SART1: variants seen among roughly 807,000 people sequenced by gnomAD.
The protein encoded by SART1 is U4/U6.U5 tri-snRNP-associated protein 1.
SART1 carries 28 observed loss-of-function variants against 105.0 expected under a neutral mutation model. The observed-to-expected ratio is 0.27, with a 90% CI of 0.20 to 0.37. The LOEUF is 0.37. Ranked by LOEUF, SART1 falls within the 10% of genes least tolerant of loss-of-function variation. The pLI, the probability that SART1 is intolerant of heterozygous loss-of-function variation, is 1.00. For missense variants in SART1, 894 were observed against 1,106.5 expected (o/e 0.81, Z 2.72); for synonymous variants, 472 against 462.9 (o/e 1.02, Z -0.25).
At position 65,978,524 on chromosome 11, in the gene SART1, T is replaced by C. The variant is rs945153453; in HGVS notation, c.2173-76T>C. On this transcript the variant is annotated intron_variant, in intron 17 of 19. Transcript: ENST00000312397. This position sits in a 1 kb window ranked among gnomAD's most constrained non-coding sequence, Gnocchi z 6.8. ...GGGTCAATCAACACCCGCCCTGTTA[T>C]TATACACCTTGTGGGCACAGGTGGC... 7.7e-5 allele frequency: 109 copies of C among 1,413,022 alleles called. 1 individual carries two copies. The highest frequency in any genetic ancestry group is 9.9e-5 in the Non-Finnish European group (101 of 1,023,444). The allele number at this position is 1,413,022 out of a possible 1,614,324, so 87.5% of individuals were successfully genotyped here. A position where few individuals can be genotyped will look rare whatever the true frequency, so the allele number is the denominator to read the frequency against.
Position 65,961,904 on chromosome 11 carries a change from A to C in SART1, c.124A>C (p.Ser42Arg). 2 of 1,536,886 alleles carry C rather than the reference A, an allele frequency of 1.3e-6. No individual in the cohort carries two copies. The highest frequency in any genetic ancestry group is 1.8e-6 in the Non-Finnish European group (2 of 1,137,450). Residue 42 changes from serine to arginine, a missense_variant, in exon 1 of 20, where the codon AGT becomes CGT. By Grantham distance (110) the Ser-to-Arg change is moderately radical (BLOSUM62 -1). Coordinates refer to ENST00000312397, the MANE Select transcript of SART1 (RefSeq NM_005146.5). ...GGAACACAAAAAACACAAGCACCGG[A>C]GTGGCGGCAGTGGCGGTAGCGGTGG... is the stretch of plus-strand genomic sequence containing the variant. The part of the protein sequence containing the change: ...HREHKKHKHR[S>R]GGSGGSGGER...
In SART1 at chr11:65,976,426, G is replaced by T. The variant is rs774044800; in HGVS notation, c.1604G>T (p.Arg535Leu). ...GAGATTGTGAAGAAGCTGGAGTCTCGCCAGCGGGGCTGGGAGGAGGATGAG... is the reference window on the plus strand; with the variant it reads ...GAGATTGTGAAGAAGCTGGAGTCTCTCCAGCGGGGCTGGGAGGAGGATGAG... Reference protein sequence around the residue: ...VVEIVKKLESRQRGWEEDEDP... With the variant: ...VVEIVKKLESLQRGWEEDEDP... Residue 535 changes from arginine to leucine, a missense_variant, in exon 13 of 20, where the codon CGC becomes CTC. Around this residue, in one of 2 missense-constraint regions of SART1, gnomAD observed 712 missense variants for 778.2 expected, o/e 0.91. Coordinates refer to ENST00000312397, the MANE Select transcript of SART1 (RefSeq NM_005146.5). The surrounding 1 kb of genome is among the most constrained non-coding windows in gnomAD (Gnocchi z 5.1). The T allele has an allele frequency of 2.6e-6, 4 of 1,560,722 alleles. No homozygotes were observed. Among genetic ancestry groups the T allele is most frequent in the Non-Finnish European group, 3.5e-6 (4 of 1,156,170 alleles).
rs927991820 is a variant in SART1, at chr11:65,980,119, TAAAA to T, written c.*1094_*1097del. 2.0e-5 allele frequency among the ~76,000 whole-genome samples: 3 copies of T among 151,646 alleles called. No individual in the cohort carries two copies. The highest frequency in any genetic ancestry group is 2.9e-5 in the Non-Finnish European group (2 of 67,960). Reference sequence around the variant, plus strand: ...CAGTCAGACCCTGTCTCAAAAAAAATAAAAAAAATTTAAAATAATCTTGGGGTGA... The same window carrying T: ...CAGTCAGACCCTGTCTCAAAAAAAATAAAATTTAAAATAATCTTGGGGTGA... On this transcript the variant is annotated 3_prime_UTR_variant, in exon 20 of 20. Coordinates refer to ENST00000312397, the MANE Select transcript of SART1 (RefSeq NM_005146.5).
In SART1 at chr11:65,973,368, A is replaced by G. The variant is rs957443882; in HGVS notation, c.1573-3027A>G. ...AGGAAAATAGGCGAAAGATGTAGAT[A>G]AGACAGGCAGTTCACAGAAGAGAAA... On this transcript the variant is annotated intron_variant, in intron 12 of 19. Transcript: ENST00000312397. Among the ~76,000 whole-genome samples, 2 of 152,194 alleles carry G rather than the reference A, an allele frequency of 1.3e-5. 1 individual carries two copies. Among genetic ancestry groups the G allele is most frequent in the South Asian group, 4.1e-4 (2 of 4,832 alleles).
At chr11:65,974,054 A>T (rs1406167560) in intron 12 of SART1, among the ~76,000 whole-genome samples, 3 of 151,968 alleles carry the variant, frequency 2.0e-5, no homozygotes, top group Non-Finnish European at 4.4e-5. Context: ...GTGTGTGTTT[A>T]GTTAATGTTT....
chr11:65,967,243 C>T lies in SART1; in HGVS notation c.1189-16C>T. 6.2e-7 allele frequency: 1 copy of T among 1,612,398 alleles called. No homozygotes were observed. Among genetic ancestry groups the T allele is most frequent in the African/African-American group, 1.3e-5 (1 of 75,014 alleles). On this transcript the variant is annotated splice_polypyrimidine_tract_variant and intron_variant, in intron 9 of 19. Coordinates refer to ENST00000312397, the MANE Select transcript of SART1 (RefSeq NM_005146.5). Reference sequence around the variant, plus strand: ...TCTGTGGCCCCCGCTCCATGTCTCGCCCCTCTTCCCTTAAGGTGACCTTTA... The same window carrying T: ...TCTGTGGCCCCCGCTCCATGTCTCGTCCCTCTTCCCTTAAGGTGACCTTTA...
rs113451511 is a variant in SART1 at position 65,963,279 on chromosome 11, C to T, written c.314-795C>T. Reference sequence around the variant, plus strand: ...AGAGAGTATTGTTAGAAGGAGGGAGCGATCAGCAGTCCCACATACCACAGG... The same window carrying T: ...AGAGAGTATTGTTAGAAGGAGGGAGTGATCAGCAGTCCCACATACCACAGG... On this transcript the variant is annotated intron_variant, in intron 1 of 19. Coordinates refer to ENST00000312397, the MANE Select transcript of SART1 (RefSeq NM_005146.5). Among the ~76,000 whole-genome samples, 399 of 152,062 alleles carry T rather than the reference C, an allele frequency of 2.6e-3. 2 individuals carry two copies. The highest frequency in any genetic ancestry group is 3.8e-3 in the Non-Finnish European group (257 of 67,964).
chr11:65,973,337 C>G (rs1392206322), intron 12 of SART1, among the ~76,000 whole-genome samples: 1 of 151,564 alleles, frequency 6.6e-6, no homozygotes, highest in Non-Finnish European at 1.5e-5. Context: ...AACAAATCAA[C>G]ACAACAGGAA....
At chr11:65,968,306 G>A in intron 12 of SART1, among the ~76,000 whole-genome samples, 1 of 152,138 alleles carries the variant, frequency 6.6e-6, no homozygotes, top group East Asian at 1.9e-4. Context: ...TTTAGTAGGG[G>A]ATCCTTTCCT....
In SART1 at chr11:65,978,207, C is replaced by A. The variant is rs1855523119; in HGVS notation, c.2172+308C>A. On this transcript the variant is annotated intron_variant, in intron 17 of 19. Coordinates refer to ENST00000312397, the MANE Select transcript of SART1 (RefSeq NM_005146.5). This position sits in a 1 kb window ranked among gnomAD's most constrained non-coding sequence, Gnocchi z 6.8. Reference sequence around the variant, plus strand: ...TCACTGGCTTTCCTGGCCCGCAGGGCCATTCCAGCGTCCAGGCCCTTCCAG... The same window carrying A: ...TCACTGGCTTTCCTGGCCCGCAGGGACATTCCAGCGTCCAGGCCCTTCCAG... 2 of 506,400 alleles carry A rather than the reference C, an allele frequency of 3.9e-6. No homozygotes were observed. The highest frequency in any genetic ancestry group is 1.9e-5 in the African/African-American group (1 of 52,120). 31.4% of individuals were successfully genotyped at this position (506,400 alleles called of 1,614,324 possible). A position where few individuals can be genotyped will look rare whatever the true frequency, so the allele number is the denominator to read the frequency against.
In SART1 at chr11:65,965,849, G is replaced by C. The variant is rs372358365; in HGVS notation, c.739-38G>C. Reference sequence around the variant, plus strand: ...CTACCGGAATCCCGAGGTTGGGTGCGTGGAGGGAGGTTCCTGACTCGCCGA... The same window carrying C: ...CTACCGGAATCCCGAGGTTGGGTGCCTGGAGGGAGGTTCCTGACTCGCCGA... On this transcript the variant is annotated intron_variant, in intron 6 of 19. Coordinates refer to ENST00000312397, the MANE Select transcript of SART1 (RefSeq NM_005146.5). 26 of 1,613,310 alleles carry C rather than the reference G, an allele frequency of 1.6e-5. No individual in the cohort carries two copies. The Middle Eastern group carries it at 3.0e-3, about 184-fold the overall frequency.
At position 65,965,114 on chromosome 11, in the gene SART1, C is replaced by T. The variant is rs139418255; in HGVS notation, c.450C>T (p.Pro150=). The part of the protein sequence containing the change: ...IKKEAGTKEE[P]VTADVINPMA... ...CAGAGGCGGGCACCAAGGAGGAGCC[C>T]GTGACAGCTGATGTCATCAACCCTA... The change falls in exon 4 of 20, where the codon CCC becomes CCT. Residue 150 remains proline, a synonymous_variant. Transcript: ENST00000312397. 18 of 1,584,274 alleles carry T rather than the reference C, an allele frequency of 1.1e-5. No individual in the cohort carries two copies. In the East Asian group the frequency reaches 1.3e-4, roughly 12 times the overall value.
In SART1 at chr11:65,976,582, G is replaced by T; in HGVS notation, c.1746+14G>T. On this transcript the variant is annotated intron_variant, in intron 13 of 19. Transcript: ENST00000312397. The surrounding 1 kb of genome is among the most constrained non-coding windows in gnomAD (Gnocchi z 5.1). ...GAGGAGCTCATGGTGCGTCTGGGGCGGCCCCGCCCTCTGCTTCCCTCGGCT... is the reference window on the plus strand; with the variant it reads ...GAGGAGCTCATGGTGCGTCTGGGGCTGCCCCGCCCTCTGCTTCCCTCGGCT... The T allele has an allele frequency of 6.2e-7, 1 of 1,613,332 alleles. No homozygotes were observed. The highest frequency in any genetic ancestry group is 8.5e-7 in the Non-Finnish European group (1 of 1,179,812).
chr11:65,964,778 T>C (rs748704380), intron 3 of SART1, among the ~76,000 whole-genome samples: 3 of 152,238 alleles, frequency 2.0e-5, no homozygotes, highest in Non-Finnish European at 4.4e-5. Flanking sequence ...CGTCGCATAC[T>C]CACTCTGGCT....
rs373342209 is a variant in SART1 at position 65,977,003 on chromosome 11, G to A, written c.1858-11G>A. On this transcript the variant is annotated splice_polypyrimidine_tract_variant and intron_variant, in intron 14 of 19. Transcript: ENST00000312397. The stretch of plus-strand genomic sequence containing the variant: ...ATGGCCTGCTAACCACCCCCGCCAC[G>A]TGTCCCGTAGTTCTCTGCTTCCTCC... The A allele has an allele frequency of 3.4e-5, 55 of 1,611,568 alleles. No homozygotes were observed. The highest frequency in any genetic ancestry group is 4.1e-5 in the Non-Finnish European group (48 of 1,177,890).
intron 15 of SART1, 100 bp downstream of exon 15, chr11:65,977,201 T>C: frequency 1.2e-6 from 1 of 841,790 alleles, no homozygotes; most frequent in Non-Finnish European, 1.9e-6. Flanking sequence ...TTTCTCTCAG[T>C]CCCAATGCTG....
At chr11:65,964,201 G>T in intron 2 of SART1, 70 bp downstream of exon 2, 1 of 1,312,354 alleles carries the variant, frequency 7.6e-7, no homozygotes. Context: ...GCACGGGGGA[G>T]GCTTTCTCAC....
chr11:65,968,081 C>T (rs1161767101), intron 12 of SART1, among the ~76,000 whole-genome samples: 2 of 151,812 alleles, frequency 1.3e-5, no homozygotes, highest in Non-Finnish European at 2.9e-5. Context: ...TCCTGAGTAG[C>T]TGGGATTACA....
chr11:65,968,781 C>T (rs536022403), intron 12 of SART1, among the ~76,000 whole-genome samples: 23 of 152,282 alleles, frequency 1.5e-4, no homozygotes, highest in African/African-American at 5.3e-4. Context: ...GTGGCGTGAG[C>T]TGAGATGGAG....
Sources: gnomAD v4.1 joint callset for allele counts (sites outside exome capture counted in the v4.1 genomes callset) on GRCh38, gnomAD v4.1.1 for gene constraint, gnomAD v4.1.1 regional missense constraint, Gnocchi (gnomAD v3.1) non-coding constraint, MANE v1.5 for transcripts, NCBI Gene and HGNC (gene_info 2026-07-23, HGNC 2026-07-21) for gene names.